Variants in EEFSEC observed in about 807,000 individuals in gnomAD.
The protein encoded by EEFSEC is eukaryotic elongation factor, selenocysteine-tRNA specific.
A neutral mutation model predicts 42.1 loss-of-function variants in EEFSEC; 43 were observed. The observed-to-expected ratio is 1.02, with a 90% confidence interval of 0.80 to 1.32. EEFSEC has a LOEUF of 1.32. Among genes scored for constraint, EEFSEC ranks in the 40% most tolerant of loss-of-function variants. The probability of loss-of-function intolerance (pLI) is 0.00; values close to 1 mark genes in which losing one functional copy is unlikely to be tolerated. For synonymous variants in EEFSEC, 354 were observed against 339.1 expected, an observed-to-expected ratio of 1.04 and a Z score of -0.48; for missense variants, 745 against 803.6, an observed-to-expected ratio of 0.93 and a Z score of 0.88.
intron 5 of EEFSEC, among the ~76,000 whole-genome samples, chr3:128,342,187 T>A (rs553521359): frequency 1.2e-4 from 19 of 152,326 alleles, no homozygotes; most frequent in African/African-American, 4.3e-4. Flanking sequence ...CCCATGGGTC[T>A]GAGCAGGTCT....
chr3:128,153,775 C>G lies in EEFSEC; in HGVS notation c.268C>G (p.Leu90Val). Residue 90 changes from leucine (L) to valine (V), a missense_variant, in exon 1 of 7, where the codon CTG (leucine) becomes GTG (valine). Leu to Val is a conservative substitution (Grantham distance 32, BLOSUM62 1). Coordinates refer to ENST00000254730, the MANE Select transcript of EEFSEC (RefSeq NM_021937.5). ...CGGCGAGCCACTGCTTCAGGTCACG[C>G]TGGTCGACTGCCCCGGGCACGCCTC... ...EPGEPLLQVT[L>V]VDCPGHASLI... is the part of the protein sequence containing the mutation. The G allele has an allele frequency of 6.5e-7, 1 of 1,535,310 alleles. No homozygotes were observed. Among genetic ancestry groups the G allele is most frequent in the Non-Finnish European group, 8.7e-7 (1 of 1,147,772 alleles).
rs557646764 is a variant in EEFSEC, at chr3:128,326,087, G to C, written c.787-15146G>C. 2.0e-5 allele frequency among the ~76,000 whole-genome samples: 3 copies of C among 152,356 alleles called. No individual in the cohort carries two copies. In the East Asian group the frequency reaches 5.8e-4, roughly 29 times the overall value. ...TGTGGTGCTGGGGGAGCATCTGGAGGGGGTGTTGAGGGATAGAAGCATGAG... is the reference window on the plus strand; with the variant it reads ...TGTGGTGCTGGGGGAGCATCTGGAGCGGGTGTTGAGGGATAGAAGCATGAG... On this transcript the variant is annotated intron_variant, in intron 4 of 6. Coordinates refer to ENST00000254730, the MANE Select transcript of EEFSEC (RefSeq NM_021937.5).
intron 1 of EEFSEC, among the ~76,000 whole-genome samples, chr3:128,182,690 G>A (rs1024992364): frequency 4.6e-5 from 7 of 152,144 alleles, no homozygotes; most frequent in African/African-American, 1.7e-4. Context: ...CATGTCACAG[G>A]GTCAGTTCCT....
intron 1 of EEFSEC, among the ~76,000 whole-genome samples, chr3:128,230,035 T>C (rs1467259038): frequency 6.6e-6 from 1 of 152,014 alleles, no homozygotes; most frequent in East Asian, 1.9e-4. Context: ...TCTTTTCTTT[T>C]CTTTTTTCTT....
At chr3:128,423,478 C>CGATA in the EEFSEC span, among the ~76,000 whole-genome samples, 1 of 150,420 alleles carries the variant, frequency 6.6e-6, no homozygotes, top group African/African-American at 2.5e-5. Flanking sequence ...GACCCTGTCT[C>CGATA]AATAAATAAA....
chr3:128,163,943 A>AG (rs2065218600), intron 1 of EEFSEC, among the ~76,000 whole-genome samples: 2 of 147,480 alleles, frequency 1.4e-5, no homozygotes, highest in African/African-American at 4.9e-5. Flanking sequence ...TTTGTGAAAA[A>AG]AAAAAAAAAC....
At position 128,408,469 on chromosome 3, in the gene EEFSEC, C is replaced by T; in HGVS notation, c.*210C>T. ...GAGGGTCTCTCCTCCAGCCCCTGCA[C>T]ACTCCCACCCAGGACAGCCCCCAGC... is the stretch of plus-strand genomic sequence containing the variant. On this transcript the variant is annotated 3_prime_UTR_variant, in exon 7 of 7. Transcript: ENST00000254730. The T allele has an allele frequency of 2.1e-6, 1 of 472,884 alleles. No individual in the cohort carries two copies. Among genetic ancestry groups the T allele is most frequent in the Non-Finnish European group, 3.6e-6 (1 of 274,622 alleles). The allele number at this position is 472,884 out of a possible 1,614,324, so 29.3% of individuals were successfully genotyped here. A position where few individuals can be genotyped will look rare whatever the true frequency, so the allele number is the denominator to read the frequency against.
chr3:128,377,717 A>G (rs907552828), intron 6 of EEFSEC, among the ~76,000 whole-genome samples: 3 of 152,234 alleles, frequency 2.0e-5, no homozygotes, highest in South Asian at 2.1e-4. Flanking sequence ...ATGGAGCCTC[A>G]GAAGCTGAAT....
intron 4 of EEFSEC, among the ~76,000 whole-genome samples, chr3:128,339,230 G>A (rs1459836621): frequency 6.6e-6 from 1 of 152,132 alleles, no homozygotes; most frequent in South Asian, 2.1e-4. Context: ...CTCTGGTTAG[G>A]TAGTTAATGA....
chr3:128,183,539 C>T (rs968413747), intron 1 of EEFSEC, among the ~76,000 whole-genome samples: 16 of 152,168 alleles, frequency 1.1e-4, no homozygotes, highest in Admixed American at 8.5e-4. Flanking sequence ...GCTTTTGGAG[C>T]GTTGCTTCTT....
At chr3:128,356,937 G>A (rs2067462277) in intron 5 of EEFSEC, among the ~76,000 whole-genome samples, 1 of 152,268 alleles carries the variant, frequency 6.6e-6, no homozygotes, top group Non-Finnish European at 1.5e-5. Context: ...GTCATTGTCA[G>A]CTTTTGCTGC....
chr3:128,156,835 A>C (rs528179225), intron 1 of EEFSEC, among the ~76,000 whole-genome samples: 26 of 152,300 alleles, frequency 1.7e-4, no homozygotes, highest in African/African-American at 6.3e-4. Flanking sequence ...CTGAGACACA[A>C]CAATATTAAA....
intron 1 of EEFSEC, among the ~76,000 whole-genome samples, chr3:128,226,734 C>T (rs1009837972): frequency 6.6e-6 from 1 of 152,196 alleles, no homozygotes; most frequent in East Asian, 1.9e-4. Context: ...TTCTCGAGGG[C>T]AGGGACTGGG....
Position 128,321,529 on chromosome 3 carries a change from T to A in EEFSEC, c.787-19704T>A, listed in dbSNP as rs539523847. On this transcript the variant is annotated intron_variant, in intron 4 of 6. Transcript: ENST00000254730. Reference sequence around the variant, plus strand: ...CTCTGGGCAGACCACATGGGGTGCATCCTGCTAGCTAGGACACTGTCCTGA... The same window carrying A: ...CTCTGGGCAGACCACATGGGGTGCAACCTGCTAGCTAGGACACTGTCCTGA... 6.6e-5 allele frequency among the ~76,000 whole-genome samples: 10 copies of A among 152,182 alleles called. No homozygotes were observed. The East Asian group carries it at 1.9e-3, about 30-fold the overall frequency.
chr3:128,392,763 G>A (rs1250031381), intron 6 of EEFSEC, among the ~76,000 whole-genome samples: 2 of 152,244 alleles, frequency 1.3e-5, no homozygotes, highest in African/African-American at 4.8e-5. Flanking sequence ...GAGAGTGTGG[G>A]GGGATGACAG....
intron 4 of EEFSEC, among the ~76,000 whole-genome samples, chr3:128,330,460 A>G (rs2067114588): frequency 6.6e-6 from 1 of 152,200 alleles, no homozygotes; most frequent in Non-Finnish European, 1.5e-5. Flanking sequence ...ACAGGCACAC[A>G]CTGGACAGAT....
intron 4 of EEFSEC, among the ~76,000 whole-genome samples, chr3:128,289,705 T>G (rs143195854): frequency 5.8e-4 from 89 of 152,362 alleles, no homozygotes; most frequent in East Asian, 5.0e-3. Context: ...TTGGGACCTT[T>G]GCTCACTTCT....
intron 4 of EEFSEC, among the ~76,000 whole-genome samples, chr3:128,306,128 T>A (rs1341739459): frequency 1.3e-5 from 2 of 152,208 alleles, no homozygotes; most frequent in African/African-American, 2.4e-5. Flanking sequence ...GAATATGGTC[T>A]GTGTCATGTC....
At chr3:128,303,941 C>T (rs1242683504) in intron 4 of EEFSEC, among the ~76,000 whole-genome samples, 5 of 152,100 alleles carry the variant, frequency 3.3e-5, no homozygotes, top group Admixed American at 6.5e-5. Flanking sequence ...CTTTTACTCC[C>T]GATTTAAAAT....
Sources: gnomAD v4.1 joint callset for allele counts (sites outside exome capture counted in the v4.1 genomes callset) on GRCh38, gnomAD v4.1.1 for gene constraint, MANE v1.5 for transcripts, NCBI Gene and HGNC (gene_info 2026-07-23, HGNC 2026-07-21) for gene names.